The following ATP7B variants were observed in gnomAD, a reference collection of about 807,000 sequenced individuals.
ATP7B encodes the protein copper-transporting ATPase 2.
Under a neutral mutation model 118.9 loss-of-function variants are expected in ATP7B, and 113 were observed. The observed-to-expected ratio is 0.95, with a 90% CI of 0.82 to 1.11. The LOEUF (loss-of-function observed/expected upper bound fraction) is 1.11. Among genes scored for constraint, ATP7B ranks in the 50% most tolerant of loss-of-function variants. The probability of loss-of-function intolerance (pLI) is 0.00; values close to 1 mark genes in which losing one functional copy is unlikely to be tolerated. For synonymous variants in ATP7B, 777 were observed against 727.4 expected (o/e 1.07, Z -1.10); for missense variants, 1,867 against 1,871.4 (o/e 1.00, Z 0.04).
In ATP7B at chr13:51,957,606, C is replaced by T. The variant is rs1194755357; in HGVS notation, c.2357G>A (p.Ser786Asn). The change falls in exon 9 of 21, where the codon AGC (serine) becomes AAC (asparagine). Residue 786 changes from serine to asparagine, a missense_variant and splice_region_variant. Physicochemically the swap from Ser to Asn is conservative, Grantham distance 46 (BLOSUM62 1). Transcript: ENST00000242839. ...LGRWLEHLAK[S>N]KTSEALAKLM... ...TTTAGCCAGGGCTTCTGAGGTTTTG[C>T]TCTAGGAAATAACCAGAATGTGAAA... The T allele has an allele frequency of 1.9e-6, 3 of 1,613,808 alleles. No individual in the cohort carries two copies. In the African/African-American group the frequency reaches 4.0e-5, roughly 22 times the overall value.
chr13:51,973,807 G>T, intron 2 of ATP7B, 128 bp downstream of exon 2: 1 of 1,357,896 alleles, frequency 7.4e-7, no homozygotes, highest in South Asian at 1.2e-5. Flanking sequence ...AGGAAAGTTT[G>T]CAGGATTTTG....
chr13:51,938,767 A>T (rs541951064), intron 17 of ATP7B, among the ~76,000 whole-genome samples: 1 of 152,330 alleles, frequency 6.6e-6, no homozygotes, highest in South Asian at 2.1e-4. Context: ...CTTAGGTCAC[A>T]TACTTTTTTT....
Position 52,011,344 on chromosome 13 carries a change from G to A in ATP7B, c.-7C>T. The A allele has an allele frequency of 6.2e-7, 1 of 1,614,196 alleles. No homozygotes were observed. The highest frequency in any genetic ancestry group is 1.7e-5 in the Admixed American group (1 of 60,030). ...GTCTCTCCTGCTCAGGCATCGTCCC[G>A]CACGGACACCGAATTCTTCTCTGAT... On this transcript the variant is annotated 5_prime_UTR_variant, in exon 1 of 21. Transcript: ENST00000242839.
At chr13:51,963,364 G>A (rs1958874895) in intron 5 of ATP7B, among the ~76,000 whole-genome samples, 1 of 152,266 alleles carries the variant, frequency 6.6e-6, no homozygotes, top group East Asian at 1.9e-4. Flanking sequence ...TCTTTCCTCA[G>A]CTGATAAAAA....
intron 1 of ATP7B, among the ~76,000 whole-genome samples, chr13:52,002,735 T>C (rs1260603998): frequency 2.0e-5 from 3 of 151,800 alleles, no homozygotes; most frequent in Non-Finnish European, 4.4e-5. Flanking sequence ...TTCTAGATCA[T>C]CACAATAAAG....
chr13:51,947,758 C>A (rs1352796638), intron 12 of ATP7B: 1 of 152,180 alleles, frequency 6.6e-6, no homozygotes, highest in African/African-American at 2.4e-5. Flanking sequence ...TCTGATAGGA[C>A]TGGGTGGACT....
chr13:51,939,173 C>A lies in ATP7B; in HGVS notation c.3577G>T (p.Ala1193Ser). The A allele has an allele frequency of 1.2e-6, 2 of 1,613,702 alleles. No individual in the cohort carries two copies. Among genetic ancestry groups the A allele is most frequent in the Non-Finnish European group, 1.7e-6 (2 of 1,180,036 alleles). ...TCCTGCTTGACAGCGTCTGCGATTG[C>A]GATCATCCCACAGAGCACACCTGGA... is the stretch of plus-strand genomic sequence containing the variant. ...AIDGVLCGMI[A>S]IADAVKQEAA... Residue 1193 changes from alanine to serine, a missense_variant, in exon 17 of 21, where the codon GCA becomes TCA. Coordinates refer to ENST00000242839, the MANE Select transcript of ATP7B (RefSeq NM_000053.4).
At chr13:52,011,263 C>T (rs747064645) in intron 1 of ATP7B, 24 bp downstream of exon 1, 1 of 1,614,168 alleles carries the variant, frequency 6.2e-7, no homozygotes, top group Non-Finnish European at 8.5e-7. Context: ...GCACGCTGCG[C>T]GGACGCGGGG....
intron 1 of ATP7B, among the ~76,000 whole-genome samples, chr13:51,986,655 A>G (rs954597783): frequency 2.0e-5 from 3 of 152,244 alleles, no homozygotes; most frequent in African/African-American, 4.8e-5. Context: ...ACATCGATGC[A>G]AAAATTCTCA....
chr13:52,005,803 A>G (rs1953739503), intron 1 of ATP7B, among the ~76,000 whole-genome samples: 2 of 152,194 alleles, frequency 1.3e-5, no homozygotes, highest in African/African-American at 4.8e-5. Flanking sequence ...TTTCTATCTT[A>G]GTCCCTTTGT....
intron 17 of ATP7B, among the ~76,000 whole-genome samples, chr13:51,937,887 T>C (rs1379954948): frequency 6.6e-6 from 1 of 152,184 alleles, no homozygotes; most frequent in Non-Finnish European, 1.5e-5. Context: ...CCTGTCCTTT[T>C]CTGGATGTGC....
intron 17 of ATP7B, 121 bp from the exon 18 acceptor site, chr13:51,937,800 A>G (rs968423971): frequency 2.6e-6 from 3 of 1,138,594 alleles, no homozygotes; most frequent in Non-Finnish European, 3.9e-6. Flanking sequence ...ATGTTGGTCA[A>G]CCACACCCTG....
At chr13:51,969,014 C>G (rs1951711793) in intron 3 of ATP7B, among the ~76,000 whole-genome samples, 1 of 151,540 alleles carries the variant, frequency 6.6e-6, no homozygotes, top group South Asian at 2.1e-4. Flanking sequence ...GTGCGTGCCA[C>G]CATGCCCAGC....
Position 51,970,730 on chromosome 13 carries a change from A to C in ATP7B, c.1305T>G (p.Pro435=). ...SVVSESCSTN[P]LGNHSAGNSM... ...AATTCCCAGCACTGTGGTTTCCAAGAGGGTTAGTAGAACAGCTTTCTAGGA... is the reference window on the plus strand; with the variant it reads ...AATTCCCAGCACTGTGGTTTCCAAGCGGGTTAGTAGAACAGCTTTCTAGGA... The change falls in exon 3 of 21, where the codon CCT becomes CCG. Residue 435 remains proline, a synonymous_variant. Transcript: ENST00000242839. 6.2e-7 allele frequency: 1 copy of C among 1,613,902 alleles called. No individual in the cohort carries two copies. Among genetic ancestry groups the C allele is most frequent in the Non-Finnish European group, 8.5e-7 (1 of 1,179,842 alleles).
chr13:52,006,445 T>G (rs1953776776), intron 1 of ATP7B, among the ~76,000 whole-genome samples: 1 of 152,260 alleles, frequency 6.6e-6, no homozygotes, highest in Non-Finnish European at 1.5e-5. Flanking sequence ...TGAGTTTGGA[T>G]AGCCTAGTTT....
Position 51,961,889 on chromosome 13 carries a change from C to T in ATP7B, c.1894G>A (p.Ala632Thr), listed in dbSNP as rs1366820687. ...TGATGAGCGTTGGGGTTTCTCTGGG[C>T]CAGGGAAGCATGAAAGCCAATTTCC... ...IEEIGFHASLAQRNPNAHHLD... is the reference protein window; with the variant it reads ...IEEIGFHASLTQRNPNAHHLD... The change falls in exon 6 of 21, where the codon GCC becomes ACC. Residue 632 changes from alanine (A) to threonine (T), a missense_variant. Ala to Thr is a moderately conservative substitution (Grantham distance 58). Transcript: ENST00000242839. 6.2e-7 allele frequency: 1 copy of T among 1,613,878 alleles called. No homozygotes were observed. Among genetic ancestry groups the T allele is most frequent in the Non-Finnish European group, 8.5e-7 (1 of 1,179,934 alleles).
chr13:51,947,362 T>C (rs1449172596), intron 12 of ATP7B, among the ~76,000 whole-genome samples: 1 of 152,242 alleles, frequency 6.6e-6, no homozygotes, highest in Middle Eastern at 3.2e-3. Context: ...TATTTTTTCT[T>C]TGTACCCAAA....
chr13:51,955,175 C>T (rs2139406709), intron 9 of ATP7B, among the ~76,000 whole-genome samples: 1 of 152,304 alleles, frequency 6.6e-6, no homozygotes, highest in Admixed American at 6.5e-5. Flanking sequence ...TCAGATGGTG[C>T]CATGGACCAA....
At chr13:51,945,882 G>A (rs1957616860) in intron 13 of ATP7B, among the ~76,000 whole-genome samples, 1 of 152,068 alleles carries the variant, frequency 6.6e-6, no homozygotes, top group African/African-American at 2.4e-5. Flanking sequence ...AGGGTCACAG[G>A]ACCCACCACT....
Sources: gnomAD v4.1 joint callset for allele counts (sites outside exome capture counted in the v4.1 genomes callset) on GRCh38, gnomAD v4.1.1 for gene constraint, MANE v1.5 for transcripts, NCBI Gene and HGNC (gene_info 2026-07-23, HGNC 2026-07-21) for gene names.